The following RIN2 variants were observed in gnomAD, a reference collection of about 807,000 sequenced individuals.
RIN2 encodes RAB5 interacting protein 2.
In RIN2, 36 loss-of-function variants were observed where a neutral mutation model predicts 78.0. The observed-to-expected ratio is 0.46, with a 90% CI of 0.35 to 0.61. The LOEUF (loss-of-function observed/expected upper bound fraction) is 0.61. RIN2 is among the 20% of genes least tolerant of loss of function. The probability of loss-of-function intolerance (pLI) is 0.00; values close to 1 mark genes in which losing one functional copy is unlikely to be tolerated. For missense variants in RIN2, 1,087 were observed against 1,159.7 expected (o/e 0.94, Z 0.91); for synonymous variants, 466 against 466.8 (o/e 1.00, Z 0.02).
intron 9 of RIN2, among the ~76,000 whole-genome samples, chr20:19,977,393 C>A (rs1186031950): frequency 7.1e-6 from 1 of 141,288 alleles, no homozygotes; most frequent in Non-Finnish European, 1.6e-5. Context: ...AGGACTCACT[C>A]ATTTTCTCCA....
chr20:19,985,757 C>T lies in RIN2; in HGVS notation c.1763-4249C>T, dbSNP rs1338322346. ...CCTTAATGAGCTTTAAAAGCATATA[C>T]TCATCTTACTCATCTGTAAAGGTTT... is the stretch of plus-strand genomic sequence containing the variant. On this transcript the variant is annotated intron_variant, in intron 9 of 12. Transcript: ENST00000255006. Among the ~76,000 whole-genome samples the T allele has an allele frequency of 2.6e-5, 4 of 152,180 alleles. No homozygotes were observed. The East Asian group carries it at 7.7e-4, about 29-fold the overall frequency.
intron 2 of RIN2, among the ~76,000 whole-genome samples, chr20:19,826,100 A>G (rs1411899162): frequency 7.8e-6 from 1 of 128,760 alleles, no homozygotes; most frequent in Non-Finnish European, 1.7e-5. Context: ...TATGGTTAAT[A>G]TTTTTAACAA....
At chr20:19,831,398 C>T (rs566129381) in intron 2 of RIN2, among the ~76,000 whole-genome samples, 3 of 151,620 alleles carry the variant, frequency 2.0e-5, no homozygotes, top group South Asian at 2.1e-4. Flanking sequence ...TTGAGGGATG[C>T]GTAGAGGGAG....
intron 3 of RIN2, among the ~76,000 whole-genome samples, chr20:19,911,852 T>G (rs1191905352): frequency 6.6e-6 from 1 of 152,244 alleles, no homozygotes; most frequent in African/African-American, 2.4e-5. Context: ...GGCATTTGTA[T>G]GTGACATTTT....
intron 3 of RIN2, among the ~76,000 whole-genome samples, chr20:19,922,066 A>G (rs2039948031): frequency 6.6e-6 from 1 of 152,170 alleles, no homozygotes; most frequent in Non-Finnish European, 1.5e-5. Flanking sequence ...GTGTTTCACC[A>G]TATTGGCCAG....
intron 1 of RIN2, among the ~76,000 whole-genome samples, chr20:19,794,638 C>T (rs926414367): frequency 6.6e-6 from 1 of 151,094 alleles, no homozygotes; most frequent in African/African-American, 2.4e-5. Context: ...GAAAAATAAG[C>T]AACTACTTCA....
At chr20:19,995,059 C>T (rs1226030450) in intron 11 of RIN2, among the ~76,000 whole-genome samples, 1 of 152,116 alleles carries the variant, frequency 6.6e-6, no homozygotes, top group East Asian at 1.9e-4. Context: ...GTTTGCAGGG[C>T]GTGTGGCTCC....
intron 9 of RIN2, among the ~76,000 whole-genome samples, chr20:19,985,276 T>C (rs1233070492): frequency 6.6e-6 from 1 of 152,132 alleles, no homozygotes; most frequent in South Asian, 2.1e-4. Context: ...AATGGAGGAG[T>C]GAATCAATTC....
chr20:19,996,225 C>T (rs554597399), intron 11 of RIN2, among the ~76,000 whole-genome samples: 3 of 152,198 alleles, frequency 2.0e-5, no homozygotes, highest in South Asian at 4.1e-4. Context: ...GAGGTGGGAG[C>T]GTCGCTTGAA....
intron 2 of RIN2, among the ~76,000 whole-genome samples, chr20:19,839,747 G>A (rs1344834756): frequency 2.0e-5 from 3 of 152,088 alleles, no homozygotes; most frequent in African/African-American, 4.8e-5. Flanking sequence ...TGGCTAGCAA[G>A]GTCCTCCCCT....
chr20:19,783,436 C>T (rs779144505), intron 1 of RIN2, among the ~76,000 whole-genome samples: 7 of 151,886 alleles, frequency 4.6e-5, no homozygotes, highest in Admixed American at 1.3e-4. Context: ...GGTTTTTGGG[C>T]GTCCCCTCTC....
At chr20:19,783,932 CTGGCTGTG>C (rs1234797193) in intron 1 of RIN2, among the ~76,000 whole-genome samples, 1 of 152,160 alleles carries the variant, frequency 6.6e-6, no homozygotes, top group Non-Finnish European at 1.5e-5. Flanking sequence ...GACGGGGATG[CTGGCTGTG>C]TGGAGTCCAG....
chr20:19,956,562 G>T, intron 4 of RIN2, 53 bp from the exon 5 acceptor site: 1 of 1,560,384 alleles, frequency 6.4e-7, no homozygotes, highest in Non-Finnish European at 8.8e-7. Context: ...CGGTCTCCTT[G>T]TTAGGGAAAT....
intron 7 of RIN2, among the ~76,000 whole-genome samples, chr20:19,969,186 G>A (rs1429287502): frequency 6.6e-6 from 1 of 152,138 alleles, no homozygotes; most frequent in Non-Finnish European, 1.5e-5. Context: ...ATTTAATCTG[G>A]TTTATCCAAG....
intron 3 of RIN2, among the ~76,000 whole-genome samples, chr20:19,925,969 G>T (rs1397148310): frequency 6.6e-6 from 1 of 152,186 alleles, no homozygotes; most frequent in African/African-American, 2.4e-5. Flanking sequence ...AAAATAGAAT[G>T]GATATGTGGA....
At chr20:19,828,308 A>G (rs1374527051) in intron 2 of RIN2, among the ~76,000 whole-genome samples, 1 of 152,140 alleles carries the variant, frequency 6.6e-6, no homozygotes, top group Non-Finnish European at 1.5e-5. Flanking sequence ...CACTTCCCCA[A>G]TCAGTTCCTC....
chr20:19,913,527 T>C (rs1421472712), intron 3 of RIN2, among the ~76,000 whole-genome samples: 1 of 152,230 alleles, frequency 6.6e-6, no homozygotes. Context: ...CCACCATCCA[T>C]TTCCAGAACT....
intron 2 of RIN2, among the ~76,000 whole-genome samples, chr20:19,836,136 C>T (rs892467938): frequency 9.9e-5 from 15 of 152,282 alleles, no homozygotes; most frequent in East Asian, 7.7e-4. Flanking sequence ...TTTGTTCCCA[C>T]GACTGGTATC....
chr20:19,769,713 C>G (rs2034039676), intron 1 of RIN2, among the ~76,000 whole-genome samples: 1 of 152,162 alleles, frequency 6.6e-6, no homozygotes, highest in South Asian at 2.1e-4. Flanking sequence ...CATGCAGCAG[C>G]TGGAGTAATG....
Sources: allele counts gnomAD v4.1 joint callset (sites outside exome capture counted in the v4.1 genomes callset), GRCh38; gene constraint gnomAD v4.1.1; transcripts MANE v1.5; gene names NCBI Gene and HGNC (gene_info 2026-07-23, HGNC 2026-07-21).